Variants in PTPRZ1 observed in about 807,000 individuals in gnomAD.
PTPRZ1 encodes the protein protein tyrosine phosphatase receptor type Z1, also known as receptor-type tyrosine-protein phosphatase zeta.
Under a neutral mutation model 214.1 loss-of-function variants are expected in PTPRZ1, and 82 were observed. That is an observed-to-expected ratio of 0.38 (90% confidence interval 0.32 to 0.46). The LOEUF (loss-of-function observed/expected upper bound fraction) is 0.46. Among genes scored for constraint, PTPRZ1 ranks in the 20% least tolerant of loss-of-function variants. PTPRZ1 has a pLI of 1.00. For synonymous variants in PTPRZ1, 945 were observed against 987.9 expected (o/e 0.96, Z 0.81); for missense variants, 2,603 against 2,748.7 (o/e 0.95, Z 1.19).
At chr7:121,937,869 C>T (rs896406466) in intron 2 of PTPRZ1, among the ~76,000 whole-genome samples, 3 of 152,186 alleles carry the variant, frequency 2.0e-5, no homozygotes, top group African/African-American at 4.8e-5. Flanking sequence ...TGCCGAGATC[C>T]TTAAAGTGTA....
intron 13 of PTPRZ1, 61 bp downstream of exon 13, chr7:122,019,329 C>A: frequency 6.8e-7 from 1 of 1,475,616 alleles, no homozygotes; most frequent in Non-Finnish European, 9.4e-7. Flanking sequence ...GCCCATATTT[C>A]ATCTGAAAGG....
At chr7:121,915,272 G>T (rs927730000) in intron 1 of PTPRZ1, among the ~76,000 whole-genome samples, 2 of 152,172 alleles carry the variant, frequency 1.3e-5, no homozygotes, top group African/African-American at 2.4e-5. Flanking sequence ...GGAAGTGAGT[G>T]CATAGCCTCA....
chr7:121,877,293 G>C (rs1455373015), intron 1 of PTPRZ1, among the ~76,000 whole-genome samples: 4 of 152,226 alleles, frequency 2.6e-5, no homozygotes, highest in East Asian at 3.9e-4. Flanking sequence ...CCAATCCAGA[G>C]CCTGAGGCTT....
intron 1 of PTPRZ1, among the ~76,000 whole-genome samples, chr7:121,902,481 A>G (rs1005183309): frequency 6.6e-6 from 1 of 152,188 alleles, no homozygotes; most frequent in African/African-American, 2.4e-5. Flanking sequence ...TCCCATTGAC[A>G]GGGAATAAGA....
At position 122,013,488 on chromosome 7, in the gene PTPRZ1, C is replaced by T; in HGVS notation, c.4442C>T (p.Ser1481Phe). Residue 1481 changes from serine (S) to phenylalanine (F), a missense_variant, in exon 12 of 30, where the codon TCT (serine) becomes TTT (phenylalanine). By Grantham distance (155) the Ser-to-Phe change is radical. Coordinates refer to ENST00000393386, the MANE Select transcript of PTPRZ1 (RefSeq NM_002851.3). ...ATCTCATACTCACTATCTGAGAATTCTGAAGAAGATAATAGAGTCACAAGT... is the reference window on the plus strand; with the variant it reads ...ATCTCATACTCACTATCTGAGAATTTTGAAGAAGATAATAGAGTCACAAGT... ...NPISYSLSEN[S>F]EEDNRVTSVS... 1.9e-6 allele frequency: 3 copies of T among 1,614,070 alleles called. No individual in the cohort carries two copies. The highest frequency in any genetic ancestry group is 2.5e-6 in the Non-Finnish European group (3 of 1,180,008).
In PTPRZ1 at chr7:122,054,001, C is replaced by T. The variant is rs147791375; in HGVS notation, c.6344C>T (p.Ala2115Val). 6.3e-5 allele frequency: 102 copies of T among 1,613,234 alleles called. No homozygotes were observed. In the African/African-American group the frequency reaches 1.1e-3, roughly 17 times the overall value. ...TGGAGGATGATATGGGACCATAATG[C>T]CCAACTGGTGGTTATGATTCCTGAT... ...DFWRMIWDHN[A>V]QLVVMIPDGQ... is the part of the protein sequence containing the mutation. Residue 2115 changes from alanine to valine, a missense_variant, in exon 26 of 30, where the codon GCC becomes GTC. By Grantham distance (64) the Ala-to-Val change is moderately conservative. This residue lies in a region of PTPRZ1 where 134 missense variants were observed against 183.3 expected (regional missense o/e 0.73). Coordinates refer to ENST00000393386, the MANE Select transcript of PTPRZ1 (RefSeq NM_002851.3).
chr7:121,990,263 G>A (rs1278196719), intron 8 of PTPRZ1, among the ~76,000 whole-genome samples: 1 of 152,078 alleles, frequency 6.6e-6, no homozygotes, highest in African/African-American at 2.4e-5. Flanking sequence ...AAAACCATGT[G>A]AGATTTATAT....
chr7:121,988,052 C>T (rs753045912), intron 8 of PTPRZ1, among the ~76,000 whole-genome samples: 2 of 152,042 alleles, frequency 1.3e-5, no homozygotes, highest in African/African-American at 4.8e-5. Flanking sequence ...AAAAAGTCTC[C>T]CTATCAAATA....
intron 3 of PTPRZ1, among the ~76,000 whole-genome samples, chr7:121,971,162 A>C (rs1797233697): frequency 6.6e-6 from 1 of 151,682 alleles, no homozygotes; most frequent in South Asian, 2.1e-4. Context: ...ATTGGTCTCT[A>C]CCTCTGTTTT....
chr7:122,024,681 C>T (rs1432856768), intron 13 of PTPRZ1, among the ~76,000 whole-genome samples: 1 of 151,838 alleles, frequency 6.6e-6, no homozygotes, highest in Non-Finnish European at 1.5e-5. Flanking sequence ...TATTGGGCTA[C>T]TTATTTTCTA....
chr7:121,962,625 T>A (rs1584687160), intron 2 of PTPRZ1, among the ~76,000 whole-genome samples: 1 of 151,410 alleles, frequency 6.6e-6, no homozygotes, highest in Non-Finnish European at 1.5e-5. Flanking sequence ...AGTGCAGTGG[T>A]GCAATCTTGG....
chr7:122,060,621 G>A (rs1156388477), intron 29 of PTPRZ1, among the ~76,000 whole-genome samples: 1 of 152,190 alleles, frequency 6.6e-6, no homozygotes, highest in Non-Finnish European at 1.5e-5. Context: ...TTGGTGAACA[G>A]TGAAGGATTG....
At chr7:122,009,071 A>G (rs1450101580) in intron 11 of PTPRZ1, among the ~76,000 whole-genome samples, 1 of 152,160 alleles carries the variant, frequency 6.6e-6, no homozygotes, top group African/African-American at 2.4e-5. Context: ...AAATTTTTCA[A>G]GGGAATCTGA....
At chr7:121,928,350 A>G in intron 2 of PTPRZ1, 129 bp downstream of exon 2, 1 of 573,510 alleles carries the variant, frequency 1.7e-6, no homozygotes, top group Non-Finnish European at 3.0e-6. Flanking sequence ...AGTTAGATTA[A>G]TTAATAGATA....
chr7:121,938,299 C>G (rs1278899689), intron 2 of PTPRZ1, among the ~76,000 whole-genome samples: 1 of 152,136 alleles, frequency 6.6e-6, no homozygotes, highest in Non-Finnish European at 1.5e-5. Flanking sequence ...CCCATATAGC[C>G]AAATAGGTAC....
intron 12 of PTPRZ1, among the ~76,000 whole-genome samples, chr7:122,017,593 A>G (rs1053799934): frequency 1.3e-5 from 2 of 148,272 alleles, no homozygotes; most frequent in Non-Finnish European, 3.0e-5. Flanking sequence ...ATAGAGTCTC[A>G]CTCTGTTGCC....
chr7:122,019,265 G>A lies in PTPRZ1; in HGVS notation c.4985G>A (p.Trp1662Ter), dbSNP rs777049660. The change falls in exon 13 of 30, where the codon TGG (tryptophan) becomes TAG (stop). Residue 1662 changes from tryptophan to a stop codon, truncating the protein, a stop_gained. Transcript: ENST00000393386. LOFTEE classifies it high-confidence loss of function. ...LVVLVGILIY[W>*]RKCFQTAHFY... ...GTTCTTGTGGGTATTCTCATCTACTGGAGGTAAGTTGAGTATTTGTTTTGG... is the reference window on the plus strand; with the variant it reads ...GTTCTTGTGGGTATTCTCATCTACTAGAGGTAAGTTGAGTATTTGTTTTGG... 2 of 1,610,252 alleles carry A rather than the reference G, an allele frequency of 1.2e-6. No individual in the cohort carries two copies. Among genetic ancestry groups the A allele is most frequent in the Non-Finnish European group, 1.7e-6 (2 of 1,177,740 alleles).
chr7:121,896,089 C>G (rs1384219870), intron 1 of PTPRZ1, among the ~76,000 whole-genome samples: 1 of 152,106 alleles, frequency 6.6e-6, no homozygotes, highest in Non-Finnish European at 1.5e-5. Context: ...GAATTTCCAA[C>G]CTTCATAAGG....
chr7:121,975,494 A>G (rs998828916), intron 4 of PTPRZ1, among the ~76,000 whole-genome samples: 2 of 152,170 alleles, frequency 1.3e-5, no homozygotes, highest in Admixed American at 6.5e-5. Context: ...AGCCACTGCT[A>G]TCCTCTGTTG....
Sources: gnomAD v4.1 joint callset for allele counts (sites outside exome capture counted in the v4.1 genomes callset) on GRCh38, gnomAD v4.1.1 for gene constraint, gnomAD v4.1.1 regional missense constraint, MANE v1.5 for transcripts, NCBI Gene and HGNC (gene_info 2026-07-23, HGNC 2026-07-21) for gene names.